The following FAT3 variants were observed in gnomAD, a reference collection of about 807,000 sequenced individuals.
FAT3 encodes the protein FAT atypical cadherin 3, also known as protocadherin Fat 3.
Under a neutral mutation model 310.2 loss-of-function variants are expected in FAT3, and 95 were observed. The observed-to-expected ratio is 0.31, with a 90% confidence interval of 0.26 to 0.36. The LOEUF is 0.36. Ranked by LOEUF, FAT3 falls within the 10% of genes least tolerant of loss-of-function variation. The pLI is 1.00. For missense variants in FAT3, 5,408 were observed against 5,715.6 expected (o/e 0.95, Z 1.74); for synonymous variants, 2,314 against 2,192.9 (o/e 1.06, Z -1.54).
At chr11:92,530,297 G>A (rs904587622) in intron 3 of FAT3, among the ~76,000 whole-genome samples, 2 of 152,014 alleles carry the variant, frequency 1.3e-5, no homozygotes, top group African/African-American at 4.8e-5. Context: ...AAGTTTCTAG[G>A]TGATGATGAT....
intron 3 of FAT3, among the ~76,000 whole-genome samples, chr11:92,616,443 T>C (rs1591524400): frequency 1.3e-5 from 2 of 152,218 alleles, no homozygotes; most frequent in East Asian, 1.9e-4. Flanking sequence ...TTTGCCAGTC[T>C]GTGTCCTTTA....
rs1230673168 is a variant in FAT3, at chr11:92,282,964, C to CATATA, written c.-18+57790_-18+57791insATATA. ...GATCCTGTTTTTATTTTATTTTGCT[C>CATATA]TATAGTAATCATCACCAACAGATAT... On this transcript the variant is annotated intron_variant, in intron 1 of 27. Coordinates refer to ENST00000525166, the MANE Select transcript of FAT3 (RefSeq NM_001367949.2). Among the ~76,000 whole-genome samples, 5 of 152,110 alleles carry CATATA rather than the reference C, an allele frequency of 3.3e-5. No homozygotes were observed. In the East Asian group the frequency reaches 9.7e-4, roughly 30 times the overall value.
chr11:92,866,588 A>G (rs763706852), intron 21 of FAT3, among the ~76,000 whole-genome samples, 153 bp from the exon 22 acceptor site: 4 of 152,208 alleles, frequency 2.6e-5, no homozygotes, highest in Non-Finnish European at 4.4e-5. Context: ...ACAGTGGTTA[A>G]AAATCAAACC....
At chr11:92,345,771 G>A (rs1948398599) in intron 1 of FAT3, among the ~76,000 whole-genome samples, 1 of 152,116 alleles carries the variant, frequency 6.6e-6, no homozygotes, top group Non-Finnish European at 1.5e-5. Flanking sequence ...AATTCACAGT[G>A]GAGATCTCAG....
chr11:92,821,484 T>G (rs1403864373), intron 13 of FAT3, among the ~76,000 whole-genome samples: 3 of 152,200 alleles, frequency 2.0e-5, no homozygotes, highest in Non-Finnish European at 4.4e-5. Flanking sequence ...TTCTCCGAAG[T>G]GTTGAATCTT....
At chr11:92,240,895 A>AC (rs1864646586) in intron 1 of FAT3, among the ~76,000 whole-genome samples, 2 of 151,978 alleles carry the variant, frequency 1.3e-5, no homozygotes, top group Non-Finnish European at 2.9e-5. Context: ...ACTGTTTTCC[A>AC]GTCTATTTTA....
intron 1 of FAT3, among the ~76,000 whole-genome samples, chr11:92,331,874 A>T (rs1947932244): frequency 6.6e-6 from 1 of 152,256 alleles, no homozygotes; most frequent in Non-Finnish European, 1.5e-5. Flanking sequence ...TAAAGTACTA[A>T]AGCTGGGATA....
chr11:92,734,283 G>A (rs1197536814), intron 4 of FAT3, among the ~76,000 whole-genome samples: 1 of 152,198 alleles, frequency 6.6e-6, no homozygotes, highest in African/African-American at 2.4e-5. Context: ...GATACCACAT[G>A]TTTGAGAACC....
intron 2 of FAT3, among the ~76,000 whole-genome samples, chr11:92,439,341 A>G (rs945282580): frequency 2.0e-5 from 3 of 152,174 alleles, no homozygotes; most frequent in African/African-American, 4.8e-5. Context: ...ACTTACTTTC[A>G]TATTCCACAA....
In FAT3 at chr11:92,800,295, C is replaced by A; in HGVS notation, c.7282C>A (p.Arg2428=). ...TGATGCAGACAGCTCTGATTTTGAC[C>A]GGTTGGAATATAGCATTTTATCTGG... The part of the protein sequence containing the change: ...ASDADSSDFD[R]LEYSILSGND... Residue 2428 remains arginine (R), a synonymous_variant, in exon 10 of 28, where the codon CGG becomes AGG. Coordinates refer to ENST00000525166, the MANE Select transcript of FAT3 (RefSeq NM_001367949.2). The A allele has an allele frequency of 6.2e-7, 1 of 1,613,718 alleles. No individual in the cohort carries two copies. The highest frequency in any genetic ancestry group is 1.6e-4 in the Middle Eastern group (1 of 6,062).
intron 2 of FAT3, among the ~76,000 whole-genome samples, chr11:92,378,096 AT>A (rs1949395550): frequency 6.6e-6 from 1 of 152,196 alleles, no homozygotes. Flanking sequence ...ATTTTAAAAA[AT>A]ATTTGACTTT....
chr11:92,409,131 G>C (rs991136146), intron 2 of FAT3, among the ~76,000 whole-genome samples: 3 of 152,054 alleles, frequency 2.0e-5, no homozygotes, highest in Non-Finnish European at 2.9e-5. Flanking sequence ...TTAAAATTAA[G>C]TTCCTCTAGC....
chr11:92,704,841 C>A (rs4082955), intron 4 of FAT3, among the ~76,000 whole-genome samples: 3,054 of 152,212 alleles, frequency 0.02, 96 homozygotes, highest in African/African-American at 0.07. Flanking sequence ...CTGTCCCTGC[C>A]CCTCCTCACA....
chr11:92,354,908 C>T lies in FAT3; in HGVS notation c.2796C>T (p.Cys932=). ...LKVFLDDVND[C]SPAFIPSSYS... ...TTTTTTTAGATGATGTCAATGACTG[C>T]TCCCCAGCTTTCATTCCCAGTAGCT... The change falls in exon 2 of 28, where the codon TGC becomes TGT. Residue 932 remains cysteine, a synonymous_variant. Transcript: ENST00000525166. 1 of 1,613,896 alleles carries T rather than the reference C, an allele frequency of 6.2e-7. No homozygotes were observed.
intron 19 of FAT3, among the ~76,000 whole-genome samples, chr11:92,847,237 T>A (rs1948706561): frequency 6.6e-6 from 1 of 152,252 alleles, no homozygotes; most frequent in Admixed American, 6.5e-5. Flanking sequence ...ATATTTTTAT[T>A]ATGCCTTTTC....
Position 92,354,689 on chromosome 11 carries a change from C to T in FAT3, c.2577C>T (p.Asp859=). The T allele has an allele frequency of 6.2e-7, 1 of 1,613,842 alleles. No homozygotes were observed. The highest frequency in any genetic ancestry group is 8.5e-7 in the Non-Finnish European group (1 of 1,179,858). The change falls in exon 2 of 28, where the codon GAC becomes GAT. Residue 859 remains aspartate (D), a synonymous_variant. Transcript: ENST00000525166. ...TTCAAGTGGAAGCCAGAGACAAAGA[C>T]TTAGGTTCTAATGGTGAAGTGACTT... ...EIIQVEARDK[D]LGSNGEVTYS...
chr11:92,629,408 T>A (rs961207898), intron 3 of FAT3, among the ~76,000 whole-genome samples: 1 of 134,630 alleles, frequency 7.4e-6, no homozygotes, highest in Non-Finnish European at 1.5e-5. Context: ...CTCCTTCCCC[T>A]ACCTTTTTTT....
intron 6 of FAT3, among the ~76,000 whole-genome samples, chr11:92,770,238 C>A (rs1946425118): frequency 6.6e-6 from 1 of 152,102 alleles, no homozygotes; most frequent in South Asian, 2.1e-4. Flanking sequence ...TCTGTAGAAA[C>A]TTCAGGAAAA....
intron 2 of FAT3, among the ~76,000 whole-genome samples, chr11:92,422,543 A>G (rs1453381448): frequency 1.3e-5 from 2 of 152,154 alleles, no homozygotes; most frequent in Non-Finnish European, 2.9e-5. Context: ...GAAGAGGAGA[A>G]CTGTGGCAGG....
Sources: gnomAD v4.1 joint callset for allele counts (sites outside exome capture counted in the v4.1 genomes callset) on GRCh38, gnomAD v4.1.1 for gene constraint, MANE v1.5 for transcripts, NCBI Gene and HGNC (gene_info 2026-07-23, HGNC 2026-07-21) for gene names.